GALNTL5: variants seen among roughly 807,000 people sequenced by gnomAD.
GALNTL5 encodes polypeptide N-acetylgalactosaminyltransferase like 5.
GALNTL5 carries 44 observed loss-of-function variants against 51.0 expected under a neutral mutation model. The observed-to-expected ratio is 0.86, with a 90% CI of 0.68 to 1.11. GALNTL5 has a LOEUF of 1.11. GALNTL5 is among the 50% of genes least tolerant of loss of function. The pLI, the probability that GALNTL5 is intolerant of heterozygous loss-of-function variation, is 0.00. For synonymous variants in GALNTL5, 192 were observed against 182.8 expected, an observed-to-expected ratio of 1.05 and a Z score of -0.41; for missense variants, 528 against 531.8, an observed-to-expected ratio of 0.99 and a Z score of 0.07.
At chr7:151,995,967 A>T (rs769370300) in intron 5 of GALNTL5, among the ~76,000 whole-genome samples, 2 of 152,200 alleles carry the variant, frequency 1.3e-5, no homozygotes, top group Non-Finnish European at 2.9e-5. Flanking sequence ...CCATCTCAGT[A>T]GACAGCATCA....
At chr7:151,980,330 C>T (rs1033774580) in intron 3 of GALNTL5, among the ~76,000 whole-genome samples, 10 of 152,178 alleles carry the variant, frequency 6.6e-5, no homozygotes, top group Admixed American at 4.6e-4. Context: ...GTGATCTGCC[C>T]GCCTTGGCCT....
chr7:151,989,174 C>T (rs1351402113), intron 5 of GALNTL5, among the ~76,000 whole-genome samples: 6 of 148,922 alleles, frequency 4.0e-5, no homozygotes, highest in Admixed American at 1.3e-4. Flanking sequence ...TTTTTTTAGA[C>T]AGTCTCGCTC....
chr7:152,005,049 G>A (rs77536237), intron 6 of GALNTL5, among the ~76,000 whole-genome samples: 8,505 of 152,266 alleles, frequency 0.056, 408 homozygotes, highest in African/African-American at 0.13. Context: ...CACAGCGGTT[G>A]TACTAATTTA....
intron 6 of GALNTL5, among the ~76,000 whole-genome samples, chr7:152,005,445 T>C (rs73730323): frequency 0.056 from 8,520 of 152,218 alleles, 412 homozygotes; most frequent in African/African-American, 0.13. Context: ...GCACACCAAA[T>C]GGACGGAACT....
rs144870532 is a variant in GALNTL5 at position 151,965,129 on chromosome 7, C to T, written c.-39-2079C>T. On this transcript the variant is annotated intron_variant, in intron 1 of 8. Transcript: ENST00000392800. ...GAGCTGACTATTCTGAATACTAACA[C>T]GTGGCTTTCCCCAAGCCCAAAGCCA... is the stretch of plus-strand genomic sequence containing the variant. 7.8e-3 allele frequency among the ~76,000 whole-genome samples: 1,181 copies of T among 152,300 alleles called. 16 individuals carry two copies. Among genetic ancestry groups the T allele is most frequent in the African/African-American group, 0.026 (1,098 of 41,572 alleles).
chr7:151,957,588 CAAT>C (rs1343502657), intron 1 of GALNTL5, among the ~76,000 whole-genome samples: 31 of 151,326 alleles, frequency 2.0e-4, no homozygotes, highest in African/African-American at 7.0e-4. Context: ...GAAAGAAACT[CAAT>C]GACTGTAAAT....
At position 152,019,567 on chromosome 7, in the gene GALNTL5, G is replaced by A. The variant is rs937097239; in HGVS notation, c.1177-79G>A. 4.5e-5 allele frequency: 61 copies of A among 1,355,900 alleles called. No individual in the cohort carries two copies. The African/African-American group carries it at 5.1e-4, about 11-fold the overall frequency. 84.0% of individuals were successfully genotyped at this position (1,355,900 alleles called of 1,614,324 possible). A position where few individuals can be genotyped will look rare whatever the true frequency, so the allele number is the denominator to read the frequency against. On this transcript the variant is annotated intron_variant, in intron 8 of 8. Coordinates refer to ENST00000392800, the MANE Select transcript of GALNTL5 (RefSeq NM_145292.4). ...TAGTTCACATGATGAAAATACATGC[G>A]TCTATGTTAGATATAATCATTTGAT...
chr7:152,004,822 A>C lies in GALNTL5; in HGVS notation c.908+1859A>C, dbSNP rs998934612. Reference sequence around the variant, plus strand: ...GGCTGAATAGTATTCCATTGTGTATATATACCACATTTTCTTTATCCAGTC... The same window carrying C: ...GGCTGAATAGTATTCCATTGTGTATCTATACCACATTTTCTTTATCCAGTC... On this transcript the variant is annotated intron_variant, in intron 6 of 8. Transcript: ENST00000392800. 2.6e-5 allele frequency among the ~76,000 whole-genome samples: 4 copies of C among 152,228 alleles called. No individual in the cohort carries two copies. In the East Asian group the frequency reaches 7.7e-4, roughly 29 times the overall value.
chr7:152,013,042 G>A (rs904932808), intron 7 of GALNTL5, among the ~76,000 whole-genome samples: 1 of 152,176 alleles, frequency 6.6e-6, no homozygotes, highest in African/African-American at 2.4e-5. Context: ...CATGTCCTTT[G>A]CAGCAAAGTG....
chr7:151,976,331 G>C (rs2081204595), intron 3 of GALNTL5, among the ~76,000 whole-genome samples: 1 of 152,004 alleles, frequency 6.6e-6, no homozygotes, highest in Non-Finnish European at 1.5e-5. Flanking sequence ...ATATAATATT[G>C]TTATATCTTC....
chr7:152,001,167 C>T (rs1015753725), intron 5 of GALNTL5, among the ~76,000 whole-genome samples: 4 of 151,890 alleles, frequency 2.6e-5, no homozygotes, highest in African/African-American at 7.3e-5. Context: ...CCCCCCTCAG[C>T]CTCCCAAAGT....
intron 7 of GALNTL5, among the ~76,000 whole-genome samples, chr7:152,011,425 C>T (rs2081736757): frequency 6.6e-6 from 1 of 152,250 alleles, no homozygotes; most frequent in African/African-American, 2.4e-5. Context: ...ACAGCCCCAA[C>T]AATCTGCAGT....
chr7:152,000,219 G>A (rs2081554471), intron 5 of GALNTL5, among the ~76,000 whole-genome samples: 1 of 152,216 alleles, frequency 6.6e-6, no homozygotes, highest in Admixed American at 6.5e-5. Context: ...CAGTGTTGGA[G>A]AGAGAGCTAT....
rs1443251339 is a variant in GALNTL5, at chr7:151,970,958, C to T, written c.261C>T (p.Asn87=). The part of the protein sequence containing the change: ...KAKSMLGTDF[N]HTNPELHKEL... ...ATTTTCTTGCAGGTACAGATTTTAA[C>T]CATACAAACCCAGAACTTCATAAAG... Residue 87 remains asparagine, a synonymous_variant, in exon 3 of 9, where the codon AAC becomes AAT. Coordinates refer to ENST00000392800, the MANE Select transcript of GALNTL5 (RefSeq NM_145292.4). 1.3e-5 allele frequency: 20 copies of T among 1,599,324 alleles called. No individual in the cohort carries two copies. The highest frequency in any genetic ancestry group is 1.5e-5 in the Non-Finnish European group (17 of 1,168,476).
intron 1 of GALNTL5, among the ~76,000 whole-genome samples, chr7:151,957,605 G>A (rs2080942085): frequency 1.3e-5 from 2 of 151,660 alleles, no homozygotes; most frequent in Non-Finnish European, 2.9e-5. Context: ...TGTAAATGCA[G>A]ATTTAGGCTA....
Position 151,992,161 on chromosome 7 carries a change from G to A in GALNTL5, c.658+4880G>A, listed in dbSNP as rs192722423. On this transcript the variant is annotated intron_variant, in intron 5 of 8. Transcript: ENST00000392800. ...TAGTCGTTAGTGGTTGGTGGGTAGA[G>A]TCGCTTGCATTTTCTATCACCTGAA... 8.5e-5 allele frequency among the ~76,000 whole-genome samples: 13 copies of A among 152,262 alleles called. 1 individual carries two copies. The highest frequency in any genetic ancestry group is 8.3e-4 in the South Asian group (4 of 4,820).
Position 151,983,057 on chromosome 7 carries a change from G to A in GALNTL5, c.440G>A (p.Cys147Tyr), listed in dbSNP as rs756723086. ...SIVICFYNEE[C>Y]NALFQTMSSV... is the part of the protein sequence containing the mutation. ...GTCATTTGCTTCTATAATGAAGAAT[G>A]TAATGCCTTGTTTCAGACCATGTCC... Residue 147 changes from cysteine (C) to tyrosine (Y), a missense_variant, in exon 4 of 9, where the codon TGT becomes TAT. Transcript: ENST00000392800. 5.0e-6 allele frequency: 8 copies of A among 1,614,030 alleles called. No homozygotes were observed. The highest frequency in any genetic ancestry group is 1.6e-4 in the Middle Eastern group (1 of 6,084).
intron 6 of GALNTL5, among the ~76,000 whole-genome samples, chr7:152,004,671 T>G (rs990696112): frequency 2.0e-5 from 3 of 152,234 alleles, no homozygotes; most frequent in African/African-American, 7.2e-5. Flanking sequence ...GTATACATTA[T>G]TTAGTTCCCA....
At position 152,014,660 on chromosome 7, in the gene GALNTL5, G is replaced by A. The variant is rs2081782656; in HGVS notation, c.1043G>A (p.Gly348Asp). 1 of 1,607,850 alleles carries A rather than the reference G, an allele frequency of 6.2e-7. No individual in the cohort carries two copies. Among genetic ancestry groups the A allele is most frequent in the Non-Finnish European group, 8.5e-7 (1 of 1,178,030 alleles). ...ELSLRIWMCG[G>D]QLFIIPCSRV... Reference sequence around the variant, plus strand: ...TATGCCTAGATCTGGATGTGTGGAGGCCAACTCTTTATAATCCCCTGCTCT... The same window carrying A: ...TATGCCTAGATCTGGATGTGTGGAGACCAACTCTTTATAATCCCCTGCTCT... The change falls in exon 8 of 9, where the codon GGC (glycine) becomes GAC (aspartate). Residue 348 changes from glycine (G) to aspartate (D), a missense_variant. Gly to Asp is a moderately conservative substitution (Grantham distance 94). Coordinates refer to ENST00000392800, the MANE Select transcript of GALNTL5 (RefSeq NM_145292.4).
Sources: allele counts gnomAD v4.1 joint callset (sites outside exome capture counted in the v4.1 genomes callset), GRCh38; gene constraint gnomAD v4.1.1; transcripts MANE v1.5; gene names NCBI Gene and HGNC (gene_info 2026-07-23, HGNC 2026-07-21).